Variants in TRPC6 observed in about 807,000 individuals in gnomAD.
The protein encoded by TRPC6 is transient receptor potential cation channel subfamily C member 6, also known as short transient receptor potential channel 6.
Under a neutral mutation model 90.7 loss-of-function variants are expected in TRPC6, and 55 were observed. The observed-to-expected ratio is 0.61, with a 90% CI of 0.49 to 0.76. The LOEUF is 0.76. Among genes scored for constraint, TRPC6 ranks in the 30% least tolerant of loss-of-function variants. The pLI, the probability that TRPC6 is intolerant of heterozygous loss-of-function variation, is 0.00. For synonymous variants in TRPC6, 393 were observed against 393.0 expected (o/e 1.00, Z 0.00); for missense variants, 989 against 1,122.7 (o/e 0.88, Z 1.70).
intron 10 of TRPC6, among the ~76,000 whole-genome samples, chr11:101,464,415 G>C (rs569381546): frequency 6.6e-6 from 1 of 152,292 alleles, no homozygotes; most frequent in East Asian, 1.9e-4. Flanking sequence ...CTATTATTGT[G>C]TGGGAGTCTG....
chr11:101,539,523 G>A (rs1861125549), intron 1 of TRPC6, among the ~76,000 whole-genome samples: 1 of 152,122 alleles, frequency 6.6e-6, no homozygotes. Context: ...TTGGGGTTGT[G>A]GAGACACCTT....
Position 101,469,638 on chromosome 11 carries a change from T to TGCAAGTGCTTGCTTAGACATTTCC in TRPC6, c.2410-161_2410-138dup, listed in dbSNP as rs1477309138. On this transcript the variant is annotated intron_variant, in intron 9 of 12. Coordinates refer to ENST00000344327, the MANE Select transcript of TRPC6 (RefSeq NM_004621.6). ...CATATTCTTACGGGGTTCTTCCCTTTGCAAGTGCTTGCTTAGACATTTCCT... is the reference window on the plus strand; with the variant it reads ...CATATTCTTACGGGGTTCTTCCCTTTGCAAGTGCTTGCTTAGACATTTCCGCAAGTGCTTGCTTAGACATTTCCT... The TGCAAGTGCTTGCTTAGACATTTCC allele has an allele frequency of 1.0e-5, 6 of 583,590 alleles. No homozygotes were observed. The African/African-American group carries it at 1.1e-4, about 11-fold the overall frequency. The allele number at this position is 583,590 out of a possible 1,614,324, so 36.2% of individuals were successfully genotyped here. A position where few individuals can be genotyped will look rare whatever the true frequency, so the allele number is the denominator to read the frequency against.
At chr11:101,523,893 G>C (rs1370580890) in intron 1 of TRPC6, among the ~76,000 whole-genome samples, 1 of 152,178 alleles carries the variant, frequency 6.6e-6, no homozygotes, top group Non-Finnish European at 1.5e-5. Flanking sequence ...GAAATTTTCT[G>C]CTCTTTTCCC....
intron 1 of TRPC6, among the ~76,000 whole-genome samples, chr11:101,526,690 G>A (rs191863846): frequency 4.6e-5 from 7 of 151,316 alleles, no homozygotes; most frequent in East Asian, 1.9e-4. Flanking sequence ...GTGAAACCCC[G>A]TCTCTACTAA....
chr11:101,454,165 A>C (rs2136637531), intron 11 of TRPC6, among the ~76,000 whole-genome samples: 1 of 152,260 alleles, frequency 6.6e-6, no homozygotes, highest in African/African-American at 2.4e-5. Flanking sequence ...CTTTCTATTA[A>C]TTTAGGAATG....
At chr11:101,561,592 A>G (rs565872199) in intron 1 of TRPC6, among the ~76,000 whole-genome samples, 84 of 152,164 alleles carry the variant, frequency 5.5e-4, no homozygotes, top group African/African-American at 1.6e-3. Flanking sequence ...TAGAGGCTCT[A>G]TTGCTATATA....
chr11:101,508,227 T>C (rs937883041), intron 1 of TRPC6, among the ~76,000 whole-genome samples: 6 of 152,162 alleles, frequency 3.9e-5, no homozygotes, highest in Admixed American at 3.9e-4. Context: ...GGTCTCTGTA[T>C]TTCATAGTAG....
chr11:101,524,939 C>T (rs534483806), intron 1 of TRPC6, among the ~76,000 whole-genome samples: 8 of 152,294 alleles, frequency 5.3e-5, no homozygotes, highest in South Asian at 2.1e-4. Flanking sequence ...AACTATTTCT[C>T]CATTTCTATG....
intron 1 of TRPC6, 84 bp downstream of exon 1, chr11:101,583,250 C>G: frequency 6.7e-7 from 1 of 1,496,136 alleles, no homozygotes. Context: ...AGGACGCGCG[C>G]GGACGGACTC....
chr11:101,476,624 G>T, intron 5 of TRPC6, 90 bp from the exon 6 acceptor site: 1 of 1,223,944 alleles, frequency 8.2e-7, no homozygotes, highest in Non-Finnish European at 1.2e-6. Context: ...GTCTCAGCCT[G>T]ACATTACAAA....
intron 2 of TRPC6, 134 bp from the exon 3 acceptor site, chr11:101,491,872 G>A (rs1859829097): frequency 6.1e-6 from 5 of 825,018 alleles, no homozygotes; most frequent in Non-Finnish European, 6.7e-6. Flanking sequence ...ACGGAGCCTG[G>A]CTGTGTTGCC....
chr11:101,489,470 T>C (rs929522468), intron 3 of TRPC6, among the ~76,000 whole-genome samples: 1 of 152,136 alleles, frequency 6.6e-6, no homozygotes, highest in African/African-American at 2.4e-5. Flanking sequence ...TAAATACTTT[T>C]TTAAAAATAC....
Position 101,473,616 on chromosome 11 carries a change from G to A in TRPC6, c.1902C>T (p.Ile634=), listed in dbSNP as rs1348379251. 1.2e-6 allele frequency: 2 copies of A among 1,613,634 alleles called. No homozygotes were observed. The highest frequency in any genetic ancestry group is 2.7e-5 in the African/African-American group (2 of 74,906). Residue 634 remains isoleucine, a synonymous_variant, in exon 7 of 13, where the codon ATC becomes ATT. Coordinates refer to ENST00000344327, the MANE Select transcript of TRPC6 (RefSeq NM_004621.6). The part of the protein sequence containing the change: ...QISLGRTVKD[I]FKFMVIFIMV... ...TAATGAATATGACCATGAACTTGAA[G>A]ATGTCTTTGACTGTTCTTCCAAGTG...
Position 101,491,836 on chromosome 11 carries a change from C to CTTTTTTTT in TRPC6, c.946-106_946-99dup, listed in dbSNP as rs71056611. ...GATTTTATACTTTAAGAGAAACATT[C>CTTTTTTTT]TTTTTTTTTTTTTTTTTTTTTTGAG... On this transcript the variant is annotated intron_variant, in intron 2 of 12. Transcript: ENST00000344327. 91 of 445,008 alleles carry CTTTTTTTT rather than the reference C, an allele frequency of 2.0e-4. 1 individual carries two copies. The highest frequency in any genetic ancestry group is 2.0e-3 in the African/African-American group (58 of 28,742). 27.6% of individuals were successfully genotyped at this position (445,008 alleles called of 1,614,324 possible). A position where few individuals can be genotyped will look rare whatever the true frequency, so the allele number is the denominator to read the frequency against.
At chr11:101,571,472 C>G (rs1294203397) in intron 1 of TRPC6, among the ~76,000 whole-genome samples, 1 of 152,156 alleles carries the variant, frequency 6.6e-6, no homozygotes. Flanking sequence ...TCAATGCTAT[C>G]CCCATCAAAT....
At chr11:101,489,944 T>C (rs1859766502) in intron 3 of TRPC6, among the ~76,000 whole-genome samples, 1 of 152,162 alleles carries the variant, frequency 6.6e-6, no homozygotes, top group African/African-American at 2.4e-5. Flanking sequence ...ATAAAACCCA[T>C]TCCACTGTGG....
intron 9 of TRPC6, among the ~76,000 whole-genome samples, chr11:101,470,150 A>T (rs1285848170): frequency 6.6e-6 from 1 of 152,206 alleles, no homozygotes; most frequent in Non-Finnish European, 1.5e-5. Context: ...TCTGGCATTT[A>T]TTGACTTCTT....
chr11:101,499,753 T>C lies in TRPC6; in HGVS notation c.945+4271A>G, dbSNP rs1479154050. 9.0e-4 allele frequency among the ~76,000 whole-genome samples: 5 copies of C among 5,584 alleles called. 1 individual carries two copies. Among genetic ancestry groups the C allele is most frequent in the Non-Finnish European group, 2.4e-3 (5 of 2,048 alleles). 3.7% of individuals were successfully genotyped at this position (5,584 alleles called of 152,430 possible). A position where few individuals can be genotyped will look rare whatever the true frequency, so the allele number is the denominator to read the frequency against. On this transcript the variant is annotated intron_variant, in intron 2 of 12. Coordinates refer to ENST00000344327, the MANE Select transcript of TRPC6 (RefSeq NM_004621.6). ...TATGTGTATATATATATACACAATA[T>C]ATAATGTGTATATATATATATACAC...
intron 1 of TRPC6, among the ~76,000 whole-genome samples, chr11:101,562,405 G>A (rs1346914232): frequency 1.3e-5 from 2 of 152,064 alleles, no homozygotes; most frequent in African/African-American, 4.8e-5. Flanking sequence ...TTCATCTTGA[G>A]TCCCAGAATA....
Sources: gnomAD v4.1 joint callset for allele counts (sites outside exome capture counted in the v4.1 genomes callset) on GRCh38, gnomAD v4.1.1 for gene constraint, MANE v1.5 for transcripts, NCBI Gene and HGNC (gene_info 2026-07-23, HGNC 2026-07-21) for gene names.